DLG2: variants seen among roughly 807,000 people sequenced by gnomAD.
DLG2 encodes the protein disks large homolog 2.
In DLG2, 45 loss-of-function variants were observed where a neutral mutation model predicts 132.5. The ratio of observed to expected loss-of-function variants is 0.34; its 90% confidence interval spans 0.27 to 0.44. The LOEUF (loss-of-function observed/expected upper bound fraction) is 0.44, where lower values mean the gene tolerates loss of function less well. DLG2 is among the 20% of genes least tolerant of loss of function. The pLI, the probability that DLG2 is intolerant of heterozygous loss-of-function variation, is 1.00. For missense variants in DLG2, 1,045 were observed against 1,196.9 expected (o/e 0.87, Z 1.87); for synonymous variants, 424 against 419.6 (o/e 1.01, Z -0.13).
At chr11:83,621,153 A>G (rs2061578260) in intron 19 of DLG2, among the ~76,000 whole-genome samples, 2 of 152,288 alleles carry the variant, frequency 1.3e-5, no homozygotes, top group South Asian at 4.1e-4. Context: ...AAATGATGGC[A>G]ATATTAAAGA....
chr11:84,315,180 T>C (rs1255964207), intron 7 of DLG2, among the ~76,000 whole-genome samples: 1 of 152,134 alleles, frequency 6.6e-6, no homozygotes, highest in Non-Finnish European at 1.5e-5. Context: ...CTTGAAAGCA[T>C]TAAATGGCTG....
chr11:85,444,717 C>T lies in DLG2; in HGVS notation c.40+153940G>A, dbSNP rs370071692. The stretch of plus-strand genomic sequence containing the variant: ...ATGAGACAGCTGGTGGGAAGGAACA[C>T]AGCAGCTACCTGTTATAGGCTTCTG... On this transcript the variant is annotated intron_variant, in intron 3 of 27. Coordinates refer to ENST00000376104, the MANE Select transcript of DLG2 (RefSeq NM_001142699.3). Among the ~76,000 whole-genome samples, 17 of 151,706 alleles carry T rather than the reference C, an allele frequency of 1.1e-4. No individual in the cohort carries two copies. The East Asian group carries it at 2.9e-3, about 26-fold the overall frequency.
chr11:83,520,771 G>T (rs1263039599), intron 21 of DLG2, among the ~76,000 whole-genome samples: 1 of 151,710 alleles, frequency 6.6e-6, no homozygotes, highest in Non-Finnish European at 1.5e-5. Context: ...TTCTTGAGAG[G>T]TATACTTTTG....
chr11:84,031,894 A>G (rs1343822831), intron 11 of DLG2, among the ~76,000 whole-genome samples: 3 of 152,020 alleles, frequency 2.0e-5, no homozygotes, highest in Non-Finnish European at 4.4e-5. Context: ...GGTAATTCTC[A>G]TAGTATTTCA....
intron 6 of DLG2, among the ~76,000 whole-genome samples, chr11:84,687,520 T>C (rs1348179969): frequency 6.6e-6 from 1 of 152,170 alleles, no homozygotes; most frequent in South Asian, 2.1e-4. Flanking sequence ...TTTACTCTTA[T>C]TAAAAACACC....
chr11:84,950,955 A>G (rs183560882), intron 6 of DLG2, among the ~76,000 whole-genome samples: 49 of 152,264 alleles, frequency 3.2e-4, no homozygotes, highest in Non-Finnish European at 2.2e-4. Context: ...CTTTAAATCT[A>G]TTTTTACTTT....
intron 11 of DLG2, among the ~76,000 whole-genome samples, chr11:84,032,190 A>T (rs60335383): frequency 6.6e-6 from 1 of 152,204 alleles, no homozygotes; most frequent in South Asian, 2.1e-4. Flanking sequence ...CCTTTAAATC[A>T]AAATCTAGAA....
intron 6 of DLG2, among the ~76,000 whole-genome samples, chr11:84,975,940 C>T (rs972830090): frequency 6.6e-6 from 1 of 152,150 alleles, no homozygotes; most frequent in African/African-American, 2.4e-5. Flanking sequence ...ATTCTCTCCA[C>T]CTAAAATGTC....
In DLG2 at chr11:85,013,819, C is replaced by T. The variant is rs527429824; in HGVS notation, c.357+97842G>A. Among the ~76,000 whole-genome samples, 6 of 152,118 alleles carry T rather than the reference C, an allele frequency of 3.9e-5. 1 individual carries two copies. Among genetic ancestry groups the T allele is most frequent in the Admixed American group, 2.0e-4 (3 of 15,274 alleles). ...CCTAATGTGAAATACTGGCAGATGA[C>T]GTTCATGTGAGCAGCAGTTAGGGTT... On this transcript the variant is annotated intron_variant, in intron 6 of 27. Transcript: ENST00000376104.
intron 11 of DLG2, among the ~76,000 whole-genome samples, chr11:83,997,930 G>T (rs1471425500): frequency 1.3e-5 from 2 of 150,732 alleles, no homozygotes; most frequent in African/African-American, 2.4e-5. Context: ...TCAGGAGTTC[G>T]ATACCAGCCT....
intron 3 of DLG2, among the ~76,000 whole-genome samples, chr11:85,403,844 A>T (rs2088448640): frequency 2.0e-5 from 3 of 152,030 alleles, no homozygotes; most frequent in Non-Finnish European, 4.4e-5. Context: ...ATACCACACA[A>T]AAGAAGACAG....
rs539717123 is a variant in DLG2, at chr11:84,689,947, T to C, written c.358-155216A>G. 3.3e-5 allele frequency among the ~76,000 whole-genome samples: 5 copies of C among 152,092 alleles called. No homozygotes were observed. The East Asian group carries it at 7.8e-4, about 24-fold the overall frequency. ...AAAAATATTTTGTGGATTAAGTGTA[T>C]GTAAAAATGCTACAACATGGGTGAA... On this transcript the variant is annotated intron_variant, in intron 6 of 27. Transcript: ENST00000376104.
intron 6 of DLG2, among the ~76,000 whole-genome samples, chr11:84,535,455 G>T (rs1000503345): frequency 6.6e-6 from 1 of 152,114 alleles, no homozygotes; most frequent in African/African-American, 2.4e-5. Flanking sequence ...CTTCTCTCTT[G>T]TTCCCTTTTC....
chr11:85,085,550 C>G (rs2067812081), intron 6 of DLG2, among the ~76,000 whole-genome samples: 1 of 151,776 alleles, frequency 6.6e-6, no homozygotes, highest in South Asian at 2.1e-4. Context: ...TATATTTTTA[C>G]CAAATATAAC....
At chr11:84,523,372 T>C (rs2099310431) in intron 7 of DLG2, among the ~76,000 whole-genome samples, 1 of 152,228 alleles carries the variant, frequency 6.6e-6, no homozygotes, top group African/African-American at 2.4e-5. Flanking sequence ...CTAAGCTACA[T>C]TGTAAACACA....
rs2135950129 is a variant in DLG2, at chr11:83,459,904, A to C, written c.2842T>G (p.Leu948Val). ...TTGCATTGGTTATATATATCTTCTA[A>C]AGTATCTCCTTGGACAATAGCTGTA... ...YFTAIVQGDT[L>V]EDIYNQCKLV... The change falls in exon 28 of 28, where the codon TTA becomes GTA. Residue 948 changes from leucine to valine, a missense_variant. Transcript: ENST00000376104. 1 of 1,600,270 alleles carries C rather than the reference A, an allele frequency of 6.2e-7. No homozygotes were observed. The highest frequency in any genetic ancestry group is 1.1e-5 in the South Asian group (1 of 90,702).
At chr11:83,815,493 G>A (rs1342747745) in intron 17 of DLG2, among the ~76,000 whole-genome samples, 1 of 152,130 alleles carries the variant, frequency 6.6e-6, no homozygotes, top group Non-Finnish European at 1.5e-5. Context: ...CTGACCCTGT[G>A]ATGTGCGTTC....
chr11:83,588,318 C>A (rs899298205), intron 19 of DLG2, among the ~76,000 whole-genome samples: 59 of 150,962 alleles, frequency 3.9e-4, no homozygotes, highest in Non-Finnish European at 6.8e-4. Flanking sequence ...TCAAGTGGGT[C>A]TCTGACCCCT....
In DLG2 at chr11:84,378,039, C is replaced by T. The variant is rs375340060; in HGVS notation, c.520-126748G>A. On this transcript the variant is annotated intron_variant, in intron 7 of 27. Coordinates refer to ENST00000376104, the MANE Select transcript of DLG2 (RefSeq NM_001142699.3). ...CTGAAAGGGCCTACTAGGAAAATAC[C>T]TATTCCACTGGCTATAGACTGAATG... Among the ~76,000 whole-genome samples the T allele has an allele frequency of 4.6e-5, 7 of 152,302 alleles. No individual in the cohort carries two copies. The South Asian group carries it at 1.5e-3, about 32-fold the overall frequency.
Sources: gnomAD v4.1 joint callset for allele counts (sites outside exome capture counted in the v4.1 genomes callset) on GRCh38, gnomAD v4.1.1 for gene constraint, MANE v1.5 for transcripts, NCBI Gene and HGNC (gene_info 2026-07-23, HGNC 2026-07-21) for gene names.